ADAMTS3: variants seen among roughly 807,000 people sequenced by gnomAD.
ADAMTS3 encodes the protein ADAM metallopeptidase with thrombospondin type 1 motif 3.
Under a neutral mutation model 129.0 loss-of-function variants are expected in ADAMTS3, and 73 were observed. The observed-to-expected ratio is 0.57, with a 90% CI of 0.47 to 0.69. ADAMTS3 has a LOEUF of 0.69. Among genes scored for constraint, ADAMTS3 ranks in the 30% least tolerant of loss-of-function variants. ADAMTS3 has a pLI of 0.00. For missense variants in ADAMTS3, 1,457 were observed against 1,514.5 expected (o/e 0.96, Z 0.63); for synonymous variants, 477 against 510.8 (o/e 0.93, Z 0.89).
intron 3 of ADAMTS3, among the ~76,000 whole-genome samples, chr4:72,477,109 TGAAATTGG>T (rs1445605125): frequency 6.6e-6 from 1 of 152,122 alleles, no homozygotes; most frequent in East Asian, 1.9e-4. Context: ...ACTTTCACCC[TGAAATTGG>T]GAGCAAAGCA....
chr4:72,494,246 A>G (rs980003717), intron 3 of ADAMTS3, among the ~76,000 whole-genome samples: 6 of 152,168 alleles, frequency 3.9e-5, no homozygotes, highest in Non-Finnish European at 8.8e-5. Context: ...CATGAGTCTC[A>G]TAAGCTTTCT....
intron 2 of ADAMTS3, among the ~76,000 whole-genome samples, chr4:72,553,134 T>C (rs1183508484): frequency 9.6e-6 from 1 of 104,288 alleles, no homozygotes. Context: ...TAAATAGTCA[T>C]TTTATCACCA....
Position 72,487,633 on chromosome 4 carries a change from T to G in ADAMTS3, c.504+60845A>C, listed in dbSNP as rs548706571. The stretch of plus-strand genomic sequence containing the variant: ...AGTGACAAAAACGCTTTCCATCTCT[T>G]ATTAACAATACTTTCTGCTACATAT... On this transcript the variant is annotated intron_variant, in intron 3 of 21. Coordinates refer to ENST00000286657, the MANE Select transcript of ADAMTS3 (RefSeq NM_014243.3). Among the ~76,000 whole-genome samples, 3 of 152,242 alleles carry G rather than the reference T, an allele frequency of 2.0e-5. No individual in the cohort carries two copies. In the East Asian group the frequency reaches 5.8e-4, roughly 29 times the overall value.
At chr4:72,377,684 T>G (rs1327570974) in intron 4 of ADAMTS3, among the ~76,000 whole-genome samples, 6 of 152,202 alleles carry the variant, frequency 3.9e-5, no homozygotes, top group Admixed American at 2.0e-4. Context: ...CTCTGCCACC[T>G]TGGGCTGCTT....
At chr4:72,311,645 G>T (rs1034561585) in intron 13 of ADAMTS3, among the ~76,000 whole-genome samples, 14 of 152,066 alleles carry the variant, frequency 9.2e-5, no homozygotes, top group Admixed American at 2.6e-4. Flanking sequence ...TTAATGCATT[G>T]CAACTTTGAA....
chr4:72,308,422 A>G lies in ADAMTS3; in HGVS notation c.2179+975T>C, dbSNP rs537116492. 5.3e-5 allele frequency among the ~76,000 whole-genome samples: 8 copies of G among 152,106 alleles called. No individual in the cohort carries two copies. The South Asian group carries it at 1.2e-3, about 24-fold the overall frequency. ...CATTTGGATGAAGACTAACTTTTTT[A>G]TAAAAGGAAAAGTTACCCCAATGAC... On this transcript the variant is annotated intron_variant, in intron 15 of 21. Coordinates refer to ENST00000286657, the MANE Select transcript of ADAMTS3 (RefSeq NM_014243.3).
In ADAMTS3 at chr4:72,319,589, T is replaced by C. The variant is rs573794018; in HGVS notation, c.1209-114A>G. On this transcript the variant is annotated intron_variant, in intron 8 of 21. Coordinates refer to ENST00000286657, the MANE Select transcript of ADAMTS3 (RefSeq NM_014243.3). ...GTATTTTTGAGTCAACGTGGCTTTC[T>C]TGAAGAAGTCACAGAAACGGAAATT... 6.2e-6 allele frequency: 8 copies of C among 1,287,474 alleles called. No individual in the cohort carries two copies. In the African/African-American group the frequency reaches 1.0e-4, roughly 17 times the overall value. 79.8% of individuals were successfully genotyped at this position (1,287,474 alleles called of 1,614,324 possible). A position where few individuals can be genotyped will look rare whatever the true frequency, so the allele number is the denominator to read the frequency against.
chr4:72,421,652 T>C (rs1186175596), intron 3 of ADAMTS3, among the ~76,000 whole-genome samples: 1 of 152,130 alleles, frequency 6.6e-6, no homozygotes, highest in Non-Finnish European at 1.5e-5. Context: ...TGTAAAAACA[T>C]TTAATTAGAG....
intron 4 of ADAMTS3, among the ~76,000 whole-genome samples, chr4:72,360,427 T>C (rs1384258889): frequency 1.3e-5 from 2 of 152,130 alleles, no homozygotes; most frequent in African/African-American, 2.4e-5. Flanking sequence ...CTCCTAATTT[T>C]CTGACTGCTG....
intron 3 of ADAMTS3, among the ~76,000 whole-genome samples, chr4:72,485,668 C>T (rs1343925267): frequency 2.0e-5 from 3 of 152,146 alleles, no homozygotes; most frequent in Non-Finnish European, 1.5e-5. Context: ...ATATTTGCTG[C>T]TCCTAACCAT....
At chr4:72,427,907 A>G (rs1260895885) in intron 3 of ADAMTS3, among the ~76,000 whole-genome samples, 1 of 152,082 alleles carries the variant, frequency 6.6e-6, no homozygotes, top group Non-Finnish European at 1.5e-5. Flanking sequence ...AAGAAAGGTA[A>G]AATATTGAAA....
intron 5 of ADAMTS3, among the ~76,000 whole-genome samples, chr4:72,337,906 T>C (rs1720030237): frequency 6.6e-6 from 1 of 152,122 alleles, no homozygotes; most frequent in Non-Finnish European, 1.5e-5. Flanking sequence ...GCCTTCTTAT[T>C]AGGCACATTT....
At chr4:72,423,036 A>C (rs1358087274) in intron 3 of ADAMTS3, among the ~76,000 whole-genome samples, 2 of 152,128 alleles carry the variant, frequency 1.3e-5, no homozygotes, top group East Asian at 3.9e-4. Flanking sequence ...TTCTGTGCCA[A>C]ATATTCTAAA....
rs779701210 is a variant in ADAMTS3 at position 72,318,699 on chromosome 4, T to C, written c.1358A>G (p.Tyr453Cys). The part of the protein sequence containing the change: ...GQELKRYIHS[Y>C]DCLLDDPFDH... ...AAAAGGGTCATCAAGGAGACAGTCATAGGAACTGTAGGAAGAAAAATATTG... is the reference window on the plus strand; with the variant it reads ...AAAAGGGTCATCAAGGAGACAGTCACAGGAACTGTAGGAAGAAAAATATTG... Residue 453 changes from tyrosine (Y) to cysteine (C), a missense_variant, in exon 10 of 22, where the codon TAT becomes TGT. Transcript: ENST00000286657. 5.0e-6 allele frequency: 8 copies of C among 1,609,688 alleles called. No homozygotes were observed. The highest frequency in any genetic ancestry group is 1.7e-4 in the Middle Eastern group (1 of 6,006).
intron 17 of ADAMTS3, among the ~76,000 whole-genome samples, chr4:72,302,348 G>T (rs1233523303): frequency 6.6e-6 from 1 of 150,896 alleles, no homozygotes; most frequent in Non-Finnish European, 1.5e-5. Context: ...AAAGAAAAGT[G>T]CACCATCGGA....
intron 3 of ADAMTS3, among the ~76,000 whole-genome samples, chr4:72,516,376 G>A (rs566803088): frequency 6.6e-6 from 1 of 152,248 alleles, no homozygotes; most frequent in South Asian, 2.1e-4. Context: ...TGTGAAGAAA[G>A]TCATTGGTAA....
intron 3 of ADAMTS3, among the ~76,000 whole-genome samples, chr4:72,433,259 A>G (rs1487464278): frequency 6.6e-6 from 1 of 151,972 alleles, no homozygotes; most frequent in Admixed American, 6.6e-5. Flanking sequence ...GCAAATGTCC[A>G]TTATCAAGAG....
intron 3 of ADAMTS3, among the ~76,000 whole-genome samples, chr4:72,415,180 C>A (rs1722274431): frequency 6.6e-6 from 1 of 151,752 alleles, no homozygotes; most frequent in Admixed American, 6.6e-5. Context: ...ATGAAAAATT[C>A]ATATTAAGGT....
intron 2 of ADAMTS3, among the ~76,000 whole-genome samples, chr4:72,566,863 C>T (rs766392549): frequency 2.0e-5 from 3 of 152,168 alleles, no homozygotes; most frequent in Non-Finnish European, 4.4e-5. Context: ...CTAACAGTAT[C>T]TTTCACATTA....
Sources: gnomAD v4.1 joint callset for allele counts (sites outside exome capture counted in the v4.1 genomes callset) on GRCh38, gnomAD v4.1.1 for gene constraint, MANE v1.5 for transcripts, NCBI Gene and HGNC (gene_info 2026-07-23, HGNC 2026-07-21) for gene names.